Variants in PTCSC3 observed in about 807,000 individuals in gnomAD.
PTCSC3 encodes the protein papillary thyroid carcinoma susceptibility candidate 3 (non-protein coding).
At chr14:36,163,732 C>G (rs1394906618) in intron 1 of PTCSC3, among the ~76,000 whole-genome samples, 1 of 152,088 alleles carries the variant, frequency 6.6e-6, no homozygotes, top group African/African-American at 2.4e-5. Flanking sequence ...AGAAATGTTT[C>G]TTTTTAAAAT....
intron 2 of PTCSC3, among the ~76,000 whole-genome samples, chr14:36,157,316 T>C (rs1461051475): frequency 6.6e-6 from 1 of 152,216 alleles, no homozygotes; most frequent in Non-Finnish European, 1.5e-5. Flanking sequence ...GTCAGATGGA[T>C]AGATTGAAAA....
intron 3 of PTCSC3, among the ~76,000 whole-genome samples, chr14:36,140,874 A>G (rs936360981): frequency 2.6e-5 from 4 of 152,118 alleles, no homozygotes; most frequent in Non-Finnish European, 5.9e-5. Flanking sequence ...TTTTAAATTT[A>G]GGTCTATGAT....
At chr14:36,171,598 A>G (rs1882193947) in intron 1 of PTCSC3, among the ~76,000 whole-genome samples, 1 of 152,184 alleles carries the variant, frequency 6.6e-6, no homozygotes, top group African/African-American at 2.4e-5. Context: ...GGTAGCTTCT[A>G]TAATCCCATT....
At chr14:36,145,150 G>T (rs1881530521) in intron 3 of PTCSC3, among the ~76,000 whole-genome samples, 1 of 139,840 alleles carries the variant, frequency 7.2e-6, no homozygotes, top group African/African-American at 2.8e-5. Flanking sequence ...GCCTGGCTTT[G>T]GTATCAGGAT....
At chr14:36,150,002 G>A (rs1881686716) in intron 3 of PTCSC3, among the ~76,000 whole-genome samples, 1 of 152,130 alleles carries the variant, frequency 6.6e-6, no homozygotes, top group African/African-American at 2.4e-5. Context: ...CATCATGTCA[G>A]TGCTCAAAAG....
At chr14:36,135,479 A>C (rs1594441054), downstream of PTCSC3, among the ~76,000 whole-genome samples, 2 of 152,286 alleles carry the variant, frequency 1.3e-5, no homozygotes, top group Non-Finnish European at 2.9e-5. Flanking sequence ...ACAGTTTTGC[A>C]GCCTCTTTTC....
chr14:36,137,720 G>A (rs1881319800), intron 3 of PTCSC3, among the ~76,000 whole-genome samples: 1 of 152,222 alleles, frequency 6.6e-6, no homozygotes. Flanking sequence ...AGATAGATAT[G>A]TGATCTTACA....
At chr14:36,150,193 T>C (rs996415797) in intron 3 of PTCSC3, among the ~76,000 whole-genome samples, 1 of 152,160 alleles carries the variant, frequency 6.6e-6, no homozygotes, top group African/African-American at 2.4e-5. Context: ...CCCCTCAAAA[T>C]TCATGTTTTG....
At chr14:36,159,011 T>C (rs1471493393) in intron 2 of PTCSC3, among the ~76,000 whole-genome samples, 11 of 152,116 alleles carry the variant, frequency 7.2e-5, no homozygotes, top group Admixed American at 7.2e-4. Context: ...AATTTATCCA[T>C]TTCTTCTAGA....
intron 1 of PTCSC3, among the ~76,000 whole-genome samples, chr14:36,168,254 T>G (rs1027965012): frequency 6.6e-6 from 1 of 151,674 alleles, no homozygotes; most frequent in Non-Finnish European, 1.5e-5. Flanking sequence ...CACTTTCTAG[T>G]TCCATTTCCA....
At chr14:36,164,749 C>T (rs1395040576) in intron 1 of PTCSC3, among the ~76,000 whole-genome samples, 2 of 152,104 alleles carry the variant, frequency 1.3e-5, no homozygotes, top group African/African-American at 4.8e-5. Context: ...GCATTGCTGC[C>T]AGGAGACATC....
rs188386394 is a variant in PTCSC3 at position 36,147,928 on chromosome 14, G to A, written n.322+5876C>T. 3.3e-3 allele frequency among the ~76,000 whole-genome samples: 506 copies of A among 152,192 alleles called. 6 individuals carry two copies. The highest frequency in any genetic ancestry group is 6.0e-3 in the Non-Finnish European group (405 of 68,034). On this transcript the variant is annotated intron_variant and non_coding_transcript_variant, in intron 3 of 3. Transcript: ENST00000556013. ...CTGTTGGAATACCCTGCCGTGTGAG[G>A]TGTCAGTGTGCCCCTGCTCGGGGGG...
intron 1 of PTCSC3, among the ~76,000 whole-genome samples, chr14:36,164,748 C>A (rs1882051235): frequency 6.6e-6 from 1 of 152,054 alleles, no homozygotes. Flanking sequence ...TGCATTGCTG[C>A]CAGGAGACAT....
At chr14:36,164,728 A>T (rs1431252370) in intron 1 of PTCSC3, among the ~76,000 whole-genome samples, 2 of 152,152 alleles carry the variant, frequency 1.3e-5, no homozygotes, top group Non-Finnish European at 2.9e-5. Context: ...ATCCCTTTAC[A>T]TTGTAGTTCT....
chr14:36,150,161 A>G (rs1359017808), intron 3 of PTCSC3, among the ~76,000 whole-genome samples: 1 of 152,170 alleles, frequency 6.6e-6, no homozygotes, highest in Non-Finnish European at 1.5e-5. Context: ...ATTTAGATCT[A>G]CTATGGTCTG....
chr14:36,155,028 T>G (rs1881800038), intron 2 of PTCSC3, among the ~76,000 whole-genome samples: 1 of 152,126 alleles, frequency 6.6e-6, no homozygotes, highest in Admixed American at 6.5e-5. Context: ...CTGCTGGAGC[T>G]TTTTCTCCTT....
intron 3 of PTCSC3, among the ~76,000 whole-genome samples, chr14:36,143,891 C>G (rs1463975278): frequency 6.7e-6 from 1 of 149,998 alleles, no homozygotes; most frequent in Non-Finnish European, 1.5e-5. Context: ...AGCCAGTTTT[C>G]CCAGCACCAT....
intron 1 of PTCSC3, among the ~76,000 whole-genome samples, chr14:36,173,020 T>A (rs956035710): frequency 6.6e-6 from 1 of 152,086 alleles, no homozygotes; most frequent in African/African-American, 2.4e-5. Context: ...TCTGCCAGAA[T>A]AGAAAAAATT....
chr14:36,157,712 T>C (rs537279904), intron 2 of PTCSC3, among the ~76,000 whole-genome samples: 1 of 152,308 alleles, frequency 6.6e-6, no homozygotes, highest in South Asian at 2.1e-4. Flanking sequence ...TTTGATCTTT[T>C]TGCTTAGGAT....
Sources: allele counts gnomAD v4.1 joint callset (sites outside exome capture counted in the v4.1 genomes callset), GRCh38; gene constraint gnomAD v4.1.1; transcripts MANE v1.5; gene names NCBI Gene and HGNC (gene_info 2026-07-23, HGNC 2026-07-21).